The following TSC22D2 variants were observed in gnomAD, a reference collection of about 807,000 sequenced individuals.
TSC22D2 encodes the protein TSC22 domain family member 2.
TSC22D2 carries 5 observed loss-of-function variants against 50.1 expected under a neutral mutation model. The observed-to-expected ratio is 0.10, with a 90% CI of 0.05 to 0.21. TSC22D2 has a LOEUF of 0.21. Ranked by LOEUF, TSC22D2 falls within the 10% of genes least tolerant of loss-of-function variation. TSC22D2 has a pLI of 1.00. For synonymous variants in TSC22D2, 501 were observed against 450.1 expected (o/e 1.11, Z -1.43); for missense variants, 1,003 against 1,015.5 (o/e 0.99, Z 0.17).
intron 1 of TSC22D2, among the ~76,000 whole-genome samples, chr3:150,431,357 C>T (rs1720377002): frequency 6.6e-6 from 1 of 150,622 alleles, no homozygotes; most frequent in African/African-American, 2.4e-5. Context: ...TTCAGGGTAT[C>T]TTATATTAAT....
rs1721209969 is a variant in TSC22D2, at chr3:150,456,979, T to G, written c.1959-97T>G. ...AAGCTATTTTAAATTACTGTATATT[T>G]GGTTTTAAGTGAAACACAAATGTCT... On this transcript the variant is annotated intron_variant, in intron 1 of 2. Transcript: ENST00000688009. The G allele has an allele frequency of 7.9e-6, 8 of 1,012,738 alleles. No homozygotes were observed. In the South Asian group the frequency reaches 1.1e-4, roughly 14 times the overall value. The allele number at this position is 1,012,738 out of a possible 1,614,324, so 62.7% of individuals were successfully genotyped here.
intron 1 of TSC22D2, among the ~76,000 whole-genome samples, chr3:150,417,382 A>G (rs1395685255): frequency 6.6e-6 from 1 of 152,124 alleles, no homozygotes; most frequent in Non-Finnish European, 1.5e-5. Context: ...GTTAAAGCAA[A>G]ACAAATCTTT....
chr3:150,432,527 C>G (rs549733521), intron 1 of TSC22D2, among the ~76,000 whole-genome samples: 1 of 149,174 alleles, frequency 6.7e-6, no homozygotes. Context: ...TGAACTAATT[C>G]GCCAAATTCG....
Position 150,464,984 on chromosome 3 carries a change from C to G in TSC22D2, c.*6348C>G, listed in dbSNP as rs1051131456. 4 of 152,064 alleles carry G rather than the reference C, an allele frequency of 2.6e-5. No homozygotes were observed. Among genetic ancestry groups the G allele is most frequent in the Non-Finnish European group, 5.9e-5 (4 of 67,998 alleles). 9.4% of individuals were successfully genotyped at this position (152,064 alleles called of 1,614,324 possible). ...ACAAAATCAGCTACCATTTAATGAACCAAGTTAAGAATAACTCAGGTGACT... is the reference window on the plus strand; with the variant it reads ...ACAAAATCAGCTACCATTTAATGAAGCAAGTTAAGAATAACTCAGGTGACT... On this transcript the variant is annotated 3_prime_UTR_variant, in exon 3 of 3. Transcript: ENST00000688009.
chr3:150,443,634 C>A (rs969555772), intron 1 of TSC22D2, among the ~76,000 whole-genome samples: 3 of 152,170 alleles, frequency 2.0e-5, no homozygotes, highest in African/African-American at 7.2e-5. Context: ...TGCACTTATT[C>A]ATGAGTCATG....
chr3:150,449,136 GT>G (rs1720967326), intron 1 of TSC22D2, among the ~76,000 whole-genome samples: 1 of 152,036 alleles, frequency 6.6e-6, no homozygotes, highest in South Asian at 2.1e-4. Flanking sequence ...GTTGATCATT[GT>G]TTTGTTTGTT....
At chr3:150,449,719 A>C (rs1720984305) in intron 1 of TSC22D2, among the ~76,000 whole-genome samples, 1 of 152,168 alleles carries the variant, frequency 6.6e-6, no homozygotes, top group Non-Finnish European at 1.5e-5. Context: ...TATCTAGAGG[A>C]TAAATTCCAA....
intron 1 of TSC22D2, among the ~76,000 whole-genome samples, chr3:150,425,583 A>T (rs776017810): frequency 6.6e-6 from 1 of 152,180 alleles, no homozygotes; most frequent in East Asian, 1.9e-4. Context: ...TACATTATCT[A>T]TTTATTTTGA....
At chr3:150,436,792 T>G (rs909555177) in intron 1 of TSC22D2, among the ~76,000 whole-genome samples, 6 of 152,176 alleles carry the variant, frequency 3.9e-5, no homozygotes. Flanking sequence ...TTGGAAAAAT[T>G]CTAATAGTTT....
At position 150,410,187 on chromosome 3, in the gene TSC22D2, A is replaced by C; in HGVS notation, c.837A>C (p.Pro279=). 6.2e-7 allele frequency: 1 copy of C among 1,605,502 alleles called. No homozygotes were observed. ...FSVGQPQPPP[P]PVGGAVAQSS... ...TTGGGCAGCCACAGCCGCCGCCGCC[A>C]CCCGTAGGTGGGGCTGTGGCTCAAA... The change falls in exon 1 of 3, where the codon CCA becomes CCC. Residue 279 remains proline, a synonymous_variant. Coordinates refer to ENST00000688009, the MANE Select transcript of TSC22D2 (RefSeq NM_001303264.2).
At chr3:150,421,785 A>C (rs1200443035) in intron 1 of TSC22D2, among the ~76,000 whole-genome samples, 8 of 152,204 alleles carry the variant, frequency 5.3e-5, no homozygotes, top group Non-Finnish European at 1.2e-4. Context: ...AGATTAAAAT[A>C]ATGCTATTGA....
rs34952294 is a variant in TSC22D2 at position 150,459,826 on chromosome 3, TAAAAAA to T, written c.*1205_*1210del. ...GAGCTAGTGTACAATACACTAGTTG[TAAAAAA>T]AAAAAAAAAAAAAAGTGAGCCATCT... On this transcript the variant is annotated 3_prime_UTR_variant, in exon 3 of 3. Transcript: ENST00000688009. The T allele has an allele frequency of 1.3e-4, 18 of 138,246 alleles. No individual in the cohort carries two copies. Among genetic ancestry groups the T allele is most frequent in the Non-Finnish European group, 1.5e-4 (10 of 64,630 alleles). 8.6% of individuals were successfully genotyped at this position (138,246 alleles called of 1,614,324 possible).
chr3:150,415,827 A>G (rs956610536), intron 1 of TSC22D2, among the ~76,000 whole-genome samples: 2 of 152,184 alleles, frequency 1.3e-5, no homozygotes, highest in African/African-American at 4.8e-5. Context: ...AAAAGAAAAA[A>G]AATAATTCTG....
In TSC22D2 at chr3:150,465,263, C is replaced by T. The variant is rs1391227574; in HGVS notation, c.*6627C>T. The T allele has an allele frequency of 1.3e-5, 2 of 152,154 alleles. No individual in the cohort carries two copies. Among genetic ancestry groups the T allele is most frequent in the African/African-American group, 4.8e-5 (2 of 41,428 alleles). 9.4% of individuals were successfully genotyped at this position (152,154 alleles called of 1,614,324 possible). On this transcript the variant is annotated 3_prime_UTR_variant, in exon 3 of 3. Coordinates refer to ENST00000688009, the MANE Select transcript of TSC22D2 (RefSeq NM_001303264.2). ...AAATTGGAAGCTATGAAGCTATATA[C>T]CCTGTCCATTTGAAAATGCACATAA...
At chr3:150,449,365 C>T (rs879618773) in intron 1 of TSC22D2, among the ~76,000 whole-genome samples, 10 of 152,106 alleles carry the variant, frequency 6.6e-5, no homozygotes, top group Non-Finnish European at 1.0e-4. Context: ...TAGAAGTACT[C>T]TTGCTTCTAT....
intron 1 of TSC22D2, among the ~76,000 whole-genome samples, chr3:150,456,740 C>G (rs140674172): frequency 2.0e-5 from 3 of 152,046 alleles, no homozygotes; most frequent in Non-Finnish European, 2.9e-5. Flanking sequence ...TTAAGAGATA[C>G]GGAGAAGACA....
chr3:150,426,099 A>G (rs1460718404), intron 1 of TSC22D2, among the ~76,000 whole-genome samples: 1 of 152,216 alleles, frequency 6.6e-6, no homozygotes, highest in Non-Finnish European at 1.5e-5. Context: ...CAGGGAATCA[A>G]TCAGCTGAAC....
At chr3:150,417,204 C>A (rs1719844399) in intron 1 of TSC22D2, among the ~76,000 whole-genome samples, 1 of 152,046 alleles carries the variant, frequency 6.6e-6, no homozygotes, top group African/African-American at 2.4e-5. Flanking sequence ...ATTAATGTGT[C>A]AATTATTGTA....
At chr3:150,423,669 ATGT>A (rs1339320409) in intron 1 of TSC22D2, among the ~76,000 whole-genome samples, 2 of 152,198 alleles carry the variant, frequency 1.3e-5, no homozygotes, top group East Asian at 3.8e-4. Context: ...TCTTACAGAA[ATGT>A]TGTATAGATT....
Sources: allele counts gnomAD v4.1 joint callset (sites outside exome capture counted in the v4.1 genomes callset), GRCh38; gene constraint gnomAD v4.1.1; transcripts MANE v1.5; gene names NCBI Gene and HGNC (gene_info 2026-07-23, HGNC 2026-07-21).